Variants in KAZN observed in about 807,000 individuals in gnomAD.
KAZN encodes the protein kazrin.
A neutral mutation model predicts 87.4 loss-of-function variants in KAZN; 40 were observed. The observed-to-expected ratio is 0.46, with a 90% CI of 0.36 to 0.60. The LOEUF is 0.60. Ranked by LOEUF, KAZN falls within the 20% of genes least tolerant of loss-of-function variation. The pLI, the probability that KAZN is intolerant of heterozygous loss-of-function variation, is 0.00. For synonymous variants in KAZN, 466 were observed against 458.3 expected (o/e 1.02, Z -0.22); for missense variants, 898 against 1,073.9 (o/e 0.84, Z 2.29).
At chr1:14,335,927 A>G (rs77794911) in intron 2 of KAZN, among the ~76,000 whole-genome samples, 7,297 of 152,272 alleles carry the variant, frequency 0.048, 333 homozygotes, top group South Asian at 0.2. Context: ...AATCTAGGAC[A>G]AAGAAGACAA....
intron 1 of KAZN, among the ~76,000 whole-genome samples, chr1:14,766,629 C>T (rs1355561049): frequency 2.0e-5 from 3 of 147,228 alleles, no homozygotes; most frequent in Non-Finnish European, 3.0e-5. Flanking sequence ...ATGCACTGGG[C>T]GGTGTGTGGG....
At chr1:15,070,148 G>A (rs1639442235) in intron 8 of KAZN, among the ~76,000 whole-genome samples, 1 of 152,340 alleles carries the variant, frequency 6.6e-6, no homozygotes, top group South Asian at 2.1e-4. Context: ...TGAGCAGTGA[G>A]GGGCTGCCGC....
chr1:14,290,103 C>G (rs1279726399), intron 2 of KAZN, among the ~76,000 whole-genome samples: 6 of 152,154 alleles, frequency 3.9e-5, no homozygotes, highest in Admixed American at 3.9e-4. Context: ...TCTGGCTGCC[C>G]TTAACATTTT....
At position 14,232,480 on chromosome 1, in the gene KAZN, G is replaced by T. The variant is rs144707056; in HGVS notation, c.249+51888G>T. Among the ~76,000 whole-genome samples the T allele has an allele frequency of 2.2e-3, 328 of 152,192 alleles. 9 individuals are homozygous for T. In the East Asian group the frequency reaches 0.042, roughly 20 times the overall value. On this transcript the variant is annotated intron_variant, in intron 2 of 16. Coordinates refer to the KAZN transcript ENST00000636203. ...ACTCCATTTTCTAATTGATTCTTGGGGATCTGGAGAGGAAGTCTTGAGCTC... is the reference window on the plus strand; with the variant it reads ...ACTCCATTTTCTAATTGATTCTTGGTGATCTGGAGAGGAAGTCTTGAGCTC...
chr1:14,762,648 C>T (rs1019382952), intron 1 of KAZN, among the ~76,000 whole-genome samples: 1 of 152,116 alleles, frequency 6.6e-6, no homozygotes, highest in African/African-American at 2.4e-5. Context: ...TGGCGTGAAC[C>T]CGGGAGGCGG....
At chr1:14,527,963 G>A (rs1214173417) in intron 2 of KAZN, among the ~76,000 whole-genome samples, 3 of 151,990 alleles carry the variant, frequency 2.0e-5, no homozygotes, top group South Asian at 4.2e-4. Flanking sequence ...GTGCCTGGGC[G>A]GGGATAGAAG....
chr1:14,298,069 A>G (rs1654263206), intron 2 of KAZN, among the ~76,000 whole-genome samples: 1 of 152,164 alleles, frequency 6.6e-6, no homozygotes, highest in African/African-American at 2.4e-5. Flanking sequence ...TACAAAAAAT[A>G]CAAAAATTAG....
chr1:14,499,385 A>G (rs1670116788), intron 2 of KAZN, among the ~76,000 whole-genome samples: 1 of 152,170 alleles, frequency 6.6e-6, no homozygotes, highest in Non-Finnish European at 1.5e-5. Context: ...AGATAGGGAG[A>G]AGGCTGCCTT....
chr1:14,682,037 A>G (rs1190550123), intron 1 of KAZN, among the ~76,000 whole-genome samples: 2 of 151,834 alleles, frequency 1.3e-5, no homozygotes, highest in Non-Finnish European at 2.9e-5. Flanking sequence ...TTACATCCAC[A>G]TTGTTGCGCA....
chr1:14,027,390 C>T (rs969835762), intron 1 of KAZN, among the ~76,000 whole-genome samples: 3 of 152,108 alleles, frequency 2.0e-5, no homozygotes, highest in African/African-American at 4.8e-5. Flanking sequence ...AAACCCCATG[C>T]CTCTTTCTTT....
At chr1:14,340,605 A>G (rs1184720819) in intron 2 of KAZN, among the ~76,000 whole-genome samples, 1 of 152,200 alleles carries the variant, frequency 6.6e-6, no homozygotes, top group African/African-American at 2.4e-5. Context: ...TCTGCAGGTT[A>G]TCTGACTCTA....
At chr1:15,088,021 G>C (rs1640344667) in intron 8 of KAZN, among the ~76,000 whole-genome samples, 1 of 152,222 alleles carries the variant, frequency 6.6e-6, no homozygotes. Context: ...TTCAAACCCA[G>C]GGCTCCCATA....
chr1:14,020,835 C>T (rs955668052), intron 1 of KAZN, among the ~76,000 whole-genome samples: 1 of 152,130 alleles, frequency 6.6e-6, no homozygotes, highest in African/African-American at 2.4e-5. Context: ...ATTCTCAAAA[C>T]AGTAGGATAT....
At chr1:14,439,827 C>T (rs1666598383) in intron 2 of KAZN, among the ~76,000 whole-genome samples, 1 of 152,150 alleles carries the variant, frequency 6.6e-6, no homozygotes, top group Non-Finnish European at 1.5e-5. Context: ...CCAACGCTGA[C>T]CTCTCACTGT....
chr1:13,966,195 CT>C (rs1641937632), intron 1 of KAZN, among the ~76,000 whole-genome samples: 1 of 101,146 alleles, frequency 9.9e-6, no homozygotes, highest in South Asian at 4.2e-4. Context: ...CTCCCTCCTA[CT>C]CCTTCCCTCC....
At chr1:14,202,074 A>G (rs1272507663) in intron 2 of KAZN, among the ~76,000 whole-genome samples, 10 of 152,182 alleles carry the variant, frequency 6.6e-5, no homozygotes, top group Admixed American at 5.9e-4. Context: ...TCTTAACCCA[A>G]TGAGGTAAGT....
In KAZN at chr1:14,895,490, C is replaced by G. The variant is rs540939406; in HGVS notation, c.227-65194C>G. Among the ~76,000 whole-genome samples the G allele has an allele frequency of 1.1e-4, 16 of 152,342 alleles. No homozygotes were observed. In the South Asian group the frequency reaches 3.3e-3, roughly 32 times the overall value. ...CAGCCCAAGCCTCCACAGCCCATCC[C>G]TCAGCAGCCTTCCCCTGGGATCACA... On this transcript the variant is annotated intron_variant, in intron 1 of 14. Transcript: ENST00000376030.
intron 1 of KAZN, among the ~76,000 whole-genome samples, chr1:14,896,041 CTTTTTTTTTTTTTTTTT>C (rs201188620): frequency 0.61 from 85,716 of 141,048 alleles, 27,576 homozygotes; most frequent in Non-Finnish European, 0.71. Context: ...AAAAAGACGC[CTTTTTTTTTTTTTTTTT>C]TTTTTTTTTT....
At chr1:14,619,944 A>C (rs1255667229) in intron 1 of KAZN, among the ~76,000 whole-genome samples, 8 of 152,218 alleles carry the variant, frequency 5.3e-5, no homozygotes. Context: ...ATTGATGGGC[A>C]CGTGAGTTGT....
Sources: gnomAD v4.1 joint callset for allele counts (sites outside exome capture counted in the v4.1 genomes callset) on GRCh38, gnomAD v4.1.1 for gene constraint, MANE v1.5 for transcripts, NCBI Gene and HGNC (gene_info 2026-07-23, HGNC 2026-07-21) for gene names.